Variants in TM4SF1 observed in about 807,000 individuals in gnomAD.
TM4SF1 encodes the protein transmembrane 4 L6 family member 1.
TM4SF1 carries 20 observed loss-of-function variants against 24.5 expected under a neutral mutation model. The observed-to-expected ratio is 0.82, with a 90% CI of 0.57 to 1.19. The LOEUF is 1.19. Ranked by LOEUF, TM4SF1 falls within the 50% of genes most tolerant of loss-of-function variation. The probability of loss-of-function intolerance (pLI) is 0.00; values close to 1 mark genes in which losing one functional copy is unlikely to be tolerated. For synonymous variants in TM4SF1, 107 were observed against 95.4 expected (o/e 1.12, Z -0.71); for missense variants, 258 against 248.1 (o/e 1.04, Z -0.27).
intron 2 of TM4SF1, 43 bp downstream of exon 2, chr3:149,375,637 A>G: frequency 6.2e-7 from 1 of 1,614,162 alleles, no homozygotes; most frequent in Non-Finnish European, 8.5e-7. Flanking sequence ...TGCCACAGCT[A>G]CATCTTAGGA....
intron 1 of TM4SF1, 33 bp from the exon 2 acceptor site, chr3:149,375,802 T>A (rs2108379660): frequency 6.2e-7 from 1 of 1,608,894 alleles, no homozygotes; most frequent in Non-Finnish European, 8.5e-7. Flanking sequence ...CAGGTCATTG[T>A]CTTGCTCAGG....
Position 149,375,516 on chromosome 3 carries a change from C to G in TM4SF1, c.340G>C (p.Gly114Arg). Residue 114 changes from glycine to arginine, a missense_variant, in exon 3 of 5, where the codon GGC (glycine) becomes CGC (arginine). By Grantham distance (125) the Gly-to-Arg change is moderately radical. Coordinates refer to ENST00000305366, the MANE Select transcript of TM4SF1 (RefSeq NM_014220.3). ...AGACATAGTGGTCCTTCTGCTAAGC[C>G]AAGGGCTGCCACAATGACACAGTAG... ...SGYCVIVAALGLAEGPLCLDS... is the reference protein window; with the variant it reads ...SGYCVIVAALRLAEGPLCLDS... The G allele has an allele frequency of 6.2e-7, 1 of 1,614,216 alleles. No homozygotes were observed. The highest frequency in any genetic ancestry group is 1.7e-5 in the Admixed American group (1 of 60,026).
chr3:149,371,451 T>C (rs975794470), intron 4 of TM4SF1: 4 of 600,630 alleles, frequency 6.7e-6, no homozygotes, highest in Admixed American at 3.0e-5. Flanking sequence ...ATGGGCAGCA[T>C]GTTCTTGTGT....
chr3:149,376,892 A>T (rs1022822171), intron 1 of TM4SF1, among the ~76,000 whole-genome samples: 6 of 152,228 alleles, frequency 3.9e-5, no homozygotes, highest in African/African-American at 1.4e-4. Flanking sequence ...TACATAAAGG[A>T]GAAAGCTTAG....
Position 149,377,502 on chromosome 3 carries a change from C to G in TM4SF1, c.46G>C (p.Gly16Arg). ...CARCIGHSLVGLALLCIAANI... is the reference protein window; with the variant it reads ...CARCIGHSLVRLALLCIAANI... ...GCCGCGATGCACAGGAGGGCGAGCC[C>G]CACCAGAGAATGTCCGATGCATCGT... The change falls in exon 1 of 5, where the codon GGG (glycine) becomes CGG (arginine). Residue 16 changes from glycine (G) to arginine (R), a missense_variant. Coordinates refer to ENST00000305366, the MANE Select transcript of TM4SF1 (RefSeq NM_014220.3). 6.2e-7 allele frequency: 1 copy of G among 1,614,064 alleles called. No homozygotes were observed. The highest frequency in any genetic ancestry group is 8.5e-7 in the Non-Finnish European group (1 of 1,180,032).
chr3:149,371,335 C>A (rs1731814801), intron 4 of TM4SF1: 2 of 457,398 alleles, frequency 4.4e-6, no homozygotes, highest in South Asian at 2.8e-5. Context: ...CTTATGTATA[C>A]TAGTTGGGAA....
chr3:149,373,438 A>G (rs1731877807), intron 3 of TM4SF1, among the ~76,000 whole-genome samples: 1 of 152,238 alleles, frequency 6.6e-6, no homozygotes, highest in African/African-American at 2.4e-5. Flanking sequence ...GTTTGACTTA[A>G]TTCCACAAAG....
intron 3 of TM4SF1, 108 bp from the exon 4 acceptor site, chr3:149,371,975 C>A: frequency 1.9e-6 from 2 of 1,076,388 alleles, no homozygotes; most frequent in South Asian, 1.6e-5. Context: ...ATGAATTATT[C>A]AATATCCTGT....
Position 149,377,509 on chromosome 3 carries a change from A to C in TM4SF1, c.39T>G (p.Ser13=). The part of the protein sequence containing the change: ...YGKCARCIGH[S]LVGLALLCIA... Reference sequence around the variant, plus strand: ...TGCACAGGAGGGCGAGCCCCACCAGAGAATGTCCGATGCATCGTGCACACT... The same window carrying C: ...TGCACAGGAGGGCGAGCCCCACCAGCGAATGTCCGATGCATCGTGCACACT... Residue 13 remains serine, a synonymous_variant, in exon 1 of 5, where the codon TCT becomes TCG. Coordinates refer to ENST00000305366, the MANE Select transcript of TM4SF1 (RefSeq NM_014220.3). 1.2e-6 allele frequency: 2 copies of C among 1,614,078 alleles called. No individual in the cohort carries two copies. Among genetic ancestry groups the C allele is most frequent in the Non-Finnish European group, 1.7e-6 (2 of 1,180,024 alleles).
intron 3 of TM4SF1, among the ~76,000 whole-genome samples, chr3:149,373,973 T>C (rs1261391491): frequency 6.6e-6 from 1 of 152,228 alleles, no homozygotes; most frequent in Non-Finnish European, 1.5e-5. Context: ...CAGTATGTTC[T>C]GATAAAAGCT....
rs775639669 is a variant in TM4SF1, at chr3:149,377,371, C to A, written c.177G>T (p.Leu59=). 8.7e-5 allele frequency: 140 copies of A among 1,611,806 alleles called. No homozygotes were observed. The highest frequency in any genetic ancestry group is 1.1e-4 in the Non-Finnish European group (133 of 1,178,990). The change falls in exon 1 of 5, where the codon CTG becomes CTT. Residue 59 remains leucine, a splice_region_variant and synonymous_variant. Coordinates refer to ENST00000305366, the MANE Select transcript of TM4SF1 (RefSeq NM_014220.3). Reference sequence around the variant, plus strand: ...TCAGTAATAATCCTGAATGACTTACCAGCAGGCCACCTCCTACGATGCCAG... The same window carrying A: ...TCAGTAATAATCCTGAATGACTTACAAGCAGGCCACCTCCTACGATGCCAG... The part of the protein sequence containing the change: ...FFSGIVGGGL[L]MLLPAFVFIG...
chr3:149,375,701 T>C lies in TM4SF1; in HGVS notation c.246A>G (p.Glu82=). Residue 82 remains glutamate (E), a synonymous_variant, in exon 2 of 5, where the codon GAA becomes GAG. Transcript: ENST00000305366. The part of the protein sequence containing the change: ...QDDCCGCCGH[E]NCGKRCAMLS... ...CTACCGCACATCGTTTGCCACAGTT[T>C]TCATGGCCACAGCAGCCACAGCAGT... 2 of 1,614,206 alleles carry C rather than the reference T, an allele frequency of 1.2e-6. No homozygotes were observed. The highest frequency in any genetic ancestry group is 1.7e-6 in the Non-Finnish European group (2 of 1,180,022).
chr3:149,372,002 G>A, intron 3 of TM4SF1, 135 bp from the exon 4 acceptor site: 1 of 768,792 alleles, frequency 1.3e-6, no homozygotes, highest in South Asian at 1.9e-5. Flanking sequence ...TTCTTCCACT[G>A]CATGTCATTC....
intron 3 of TM4SF1, among the ~76,000 whole-genome samples, chr3:149,374,136 C>A (rs1576849077): frequency 6.6e-6 from 1 of 152,316 alleles, no homozygotes; most frequent in African/African-American, 2.4e-5. Flanking sequence ...GTGGCAGCCT[C>A]TGTGGGGAAC....
At chr3:149,373,536 T>C (rs1731879952) in intron 3 of TM4SF1, among the ~76,000 whole-genome samples, 1 of 152,222 alleles carries the variant, frequency 6.6e-6, no homozygotes, top group African/African-American at 2.4e-5. Flanking sequence ...TTAGAATAGT[T>C]CATTGAGCCA....
In TM4SF1 at chr3:149,377,458, A is replaced by G; in HGVS notation, c.90T>C (p.Phe30=). The change falls in exon 1 of 5, where the codon TTT becomes TTC. Residue 30 remains phenylalanine, a synonymous_variant. Coordinates refer to ENST00000305366, the MANE Select transcript of TM4SF1 (RefSeq NM_014220.3). The stretch of plus-strand genomic sequence containing the variant: ...AGGCATACTTTGTTTCCCCATTGGG[A>G]AAGTAAAGCAAAATATTAGCCGCGA... ...LCIAANILLY[F]PNGETKYASE... 4 of 1,614,178 alleles carry G rather than the reference A, an allele frequency of 2.5e-6. No homozygotes were observed. Among genetic ancestry groups the G allele is most frequent in the Non-Finnish European group, 3.4e-6 (4 of 1,180,032 alleles).
At position 149,369,797 on chromosome 3, in the gene TM4SF1, A is replaced by G. The variant is rs772293017; in HGVS notation, c.*69T>C. 4.4e-6 allele frequency: 7 copies of G among 1,600,406 alleles called. No homozygotes were observed. In the South Asian group the frequency reaches 7.9e-5, roughly 18 times the overall value. ...ACACTAATACAAAGTTTTACAAATG[A>G]ATACAAGTGAAATATATAAATTACA... On this transcript the variant is annotated 3_prime_UTR_variant, in exon 5 of 5. Transcript: ENST00000305366.
chr3:149,375,551 G>T lies in TM4SF1; in HGVS notation c.305C>A (p.Ala102Glu), dbSNP rs773920138. ...CACAATGACACAGTAGCCAGATCCTGCAATTCCAATGAGAGCAGCCAATAC... is the reference window on the plus strand; with the variant it reads ...CACAATGACACAGTAGCCAGATCCTTCAATTCCAATGAGAGCAGCCAATAC... ...SSVLAALIGI[A>E]GSGYCVIVAA... The change falls in exon 3 of 5, where the codon GCA becomes GAA. Residue 102 changes from alanine (A) to glutamate (E), a missense_variant. Coordinates refer to ENST00000305366, the MANE Select transcript of TM4SF1 (RefSeq NM_014220.3). The T allele has an allele frequency of 1.2e-6, 2 of 1,614,216 alleles. No individual in the cohort carries two copies. Among genetic ancestry groups the T allele is most frequent in the Non-Finnish European group, 1.7e-6 (2 of 1,180,032 alleles).
In TM4SF1 at chr3:149,372,871, T is replaced by G. The variant is rs1190659230; in HGVS notation, c.414-1004A>C. Among the ~76,000 whole-genome samples, 3 of 152,306 alleles carry G rather than the reference T, an allele frequency of 2.0e-5. No individual in the cohort carries two copies. In the East Asian group the frequency reaches 5.8e-4, roughly 29 times the overall value. ...CTGCATTTGCTCATTCAACAAAGAT[T>G]ATTGAGCAGTCAGTGTGAGTCTGAC... On this transcript the variant is annotated intron_variant, in intron 3 of 4. Transcript: ENST00000305366.
Sources: allele counts gnomAD v4.1 joint callset (sites outside exome capture counted in the v4.1 genomes callset), GRCh38; gene constraint gnomAD v4.1.1; transcripts MANE v1.5; gene names NCBI Gene and HGNC (gene_info 2026-07-23, HGNC 2026-07-21).